The following TCF4 variants were observed in gnomAD, a reference collection of about 807,000 sequenced individuals.
TCF4 encodes SL3-3 enhancer factor 2.
In TCF4, 3 loss-of-function variants were observed where a neutral mutation model predicts 82.1. The observed-to-expected ratio is 0.04, with a 90% CI of 0.02 to 0.09. TCF4 has a LOEUF of 0.09. Among genes scored for constraint, TCF4 ranks in the 10% least tolerant of loss-of-function variants. TCF4 has a pLI of 1.00. For synonymous variants in TCF4, 276 were observed against 309.6 expected (o/e 0.89, Z 1.14); for missense variants, 518 against 852.7 (o/e 0.61, Z 4.89).
At chr18:55,401,486 G>T in intron 6 of TCF4, 1 of 991,982 alleles carries the variant, frequency 1.0e-6, no homozygotes, top group Non-Finnish European at 1.2e-6. Context: ...GGACATTAAT[G>T]CCTCAAAACG....
chr18:55,323,489 C>T (rs2076055317), intron 8 of TCF4, among the ~76,000 whole-genome samples: 1 of 152,294 alleles, frequency 6.6e-6, no homozygotes, highest in South Asian at 2.1e-4. Context: ...TCCACACACA[C>T]GTATCGAAGG....
intron 5 of TCF4, among the ~76,000 whole-genome samples, chr18:55,441,998 T>G (rs902614788): frequency 1.3e-5 from 2 of 152,206 alleles, no homozygotes; most frequent in Non-Finnish European, 2.9e-5. Context: ...TTTAAGCACA[T>G]TTCACTGGAT....
chr18:55,324,031 T>A (rs765772397), intron 8 of TCF4, among the ~76,000 whole-genome samples: 25 of 152,240 alleles, frequency 1.6e-4, no homozygotes, highest in Non-Finnish European at 3.2e-4. Context: ...TTTTTAAAAT[T>A]GAAGCTCTCA....
chr18:55,540,506 T>A (rs2097156560), intron 3 of TCF4, among the ~76,000 whole-genome samples: 1 of 152,120 alleles, frequency 6.6e-6, no homozygotes, highest in Non-Finnish European at 1.5e-5. Context: ...GCATGTTGTA[T>A]AATCTGATAC....
chr18:55,607,595 GC>G (rs2097703297), intron 2 of TCF4, among the ~76,000 whole-genome samples: 2 of 152,106 alleles, frequency 1.3e-5, no homozygotes, highest in African/African-American at 4.8e-5. Context: ...TTGAGTCCTA[GC>G]CCTAGGTCTG....
At chr18:55,538,979 A>G (rs1263071027) in intron 3 of TCF4, among the ~76,000 whole-genome samples, 1 of 152,114 alleles carries the variant, frequency 6.6e-6, no homozygotes, top group Non-Finnish European at 1.5e-5. Context: ...AGTCTCAGCA[A>G]TATGATGGTT....
chr18:55,277,840 T>C (rs552308599), intron 9 of TCF4, among the ~76,000 whole-genome samples: 106 of 152,320 alleles, frequency 7.0e-4, no homozygotes, highest in Non-Finnish European at 1.1e-3. Context: ...TGCCAATCTC[T>C]GTAAGCTCCT....
At chr18:55,546,084 T>A (rs914772208) in intron 3 of TCF4, among the ~76,000 whole-genome samples, 2 of 152,058 alleles carry the variant, frequency 1.3e-5, no homozygotes, top group Admixed American at 6.5e-5. Context: ...CCTGTAAATC[T>A]CAGCACTTTG....
At chr18:55,604,401 TG>T (rs928120183) in intron 2 of TCF4, among the ~76,000 whole-genome samples, 1 of 151,852 alleles carries the variant, frequency 6.6e-6, no homozygotes, top group African/African-American at 2.4e-5. Flanking sequence ...CTTCCTCTGG[TG>T]GGGGTGAGAT....
chr18:55,384,287 A>G (rs939365874), intron 6 of TCF4: 1 of 152,178 alleles, frequency 6.6e-6, no homozygotes, highest in African/African-American at 2.4e-5. Context: ...GCACGCTCAC[A>G]CTCAGTAGGC....
chr18:55,238,902 A>T (rs534454704), intron 15 of TCF4, among the ~76,000 whole-genome samples: 2 of 152,340 alleles, frequency 1.3e-5, no homozygotes, highest in African/African-American at 4.8e-5. Flanking sequence ...CATAGGTCAT[A>T]CTATGAATGG....
At chr18:55,481,384 T>C (rs780119939) in intron 3 of TCF4, among the ~76,000 whole-genome samples, 1 of 152,208 alleles carries the variant, frequency 6.6e-6, no homozygotes, top group Non-Finnish European at 1.5e-5. Flanking sequence ...TTGTGAGGTA[T>C]TTGTACTCAA....
chr18:55,578,607 T>A (rs190620998), intron 3 of TCF4, among the ~76,000 whole-genome samples: 261 of 152,196 alleles, frequency 1.7e-3, no homozygotes, highest in African/African-American at 6.1e-3. Context: ...CTAAAATTAC[T>A]TGGATCAAAG....
chr18:55,486,029 A>G (rs2096509505), intron 3 of TCF4, among the ~76,000 whole-genome samples: 1 of 152,236 alleles, frequency 6.6e-6, no homozygotes. Flanking sequence ...AAGGCCATTT[A>G]TATTTTCATT....
chr18:55,547,584 A>G (rs753379975), intron 3 of TCF4, among the ~76,000 whole-genome samples: 1 of 152,240 alleles, frequency 6.6e-6, no homozygotes, highest in Non-Finnish European at 1.5e-5. Context: ...TATAATAAAT[A>G]AGTCAATAAA....
chr18:55,394,836 C>T (rs1363895608), intron 6 of TCF4, among the ~76,000 whole-genome samples: 2 of 152,214 alleles, frequency 1.3e-5, no homozygotes, highest in Non-Finnish European at 1.5e-5. Context: ...AACAAACCCA[C>T]GTCAATATCC....
At chr18:55,557,240 AACACACAG>A (rs112004788) in intron 3 of TCF4, among the ~76,000 whole-genome samples, 4,624 of 152,092 alleles carry the variant, frequency 0.03, 91 homozygotes, top group African/African-American at 0.035. Context: ...AACTAATGCA[AACACACAG>A]ACACACAGAC....
intron 3 of TCF4, chr18:55,510,731 T>TA (rs2096818845): frequency 1.4e-6 from 2 of 1,399,374 alleles, no homozygotes; most frequent in African/African-American, 2.9e-5. Flanking sequence ...CCTTCCTTGT[T>TA]ACTCTCCTGT....
At chr18:55,343,644 A>C (rs1007595409) in intron 8 of TCF4, among the ~76,000 whole-genome samples, 1 of 152,124 alleles carries the variant, frequency 6.6e-6, no homozygotes, top group African/African-American at 2.4e-5. Flanking sequence ...CACTACCTTA[A>C]CTTCTCTGAA....
Sources: gnomAD v4.1 joint callset for allele counts (sites outside exome capture counted in the v4.1 genomes callset) on GRCh38, gnomAD v4.1.1 for gene constraint, MANE v1.5 for transcripts, NCBI Gene and HGNC (gene_info 2026-07-23, HGNC 2026-07-21) for gene names.